NPEPPS: variants seen among roughly 807,000 people sequenced by gnomAD.
The protein encoded by NPEPPS is puromycin-sensitive aminopeptidase.
NPEPPS carries 14 observed loss-of-function variants against 115.5 expected under a neutral mutation model. That is an observed-to-expected ratio of 0.12 (90% CI 0.08 to 0.19). The LOEUF is 0.19. Among genes scored for constraint, NPEPPS ranks in the 10% least tolerant of loss-of-function variants. The probability of loss-of-function intolerance (pLI) is 1.00; values close to 1 mark genes in which losing one functional copy is unlikely to be tolerated. For synonymous variants in NPEPPS, 285 were observed against 390.6 expected (o/e 0.73, Z 3.19); for missense variants, 523 against 1,110.8 (o/e 0.47, Z 7.52).
At chr17:47,616,095 G>C (rs905302552) in intron 19 of NPEPPS, among the ~76,000 whole-genome samples, 3 of 152,186 alleles carry the variant, frequency 2.0e-5, no homozygotes, top group Non-Finnish European at 4.4e-5. Context: ...TATTGGAGCT[G>C]AAAAGGGCCT....
In NPEPPS at chr17:47,585,488, T is replaced by A. The variant is rs558665644; in HGVS notation, c.649-12T>A. On this transcript the variant is annotated splice_polypyrimidine_tract_variant and intron_variant, in intron 5 of 22. Transcript: ENST00000322157. ...AACCTATTTAAATTTTTCTTTTTTT[T>A]ATTTCTTAAAGAATGTAATTGACCG... The A allele has an allele frequency of 1.7e-5, 27 of 1,603,230 alleles. No individual in the cohort carries two copies. In the African/African-American group the frequency reaches 3.1e-4, roughly 18 times the overall value.
intron 22 of NPEPPS, 46 bp from the exon 23 acceptor site, chr17:47,621,722 T>A: frequency 6.5e-7 from 1 of 1,549,572 alleles, no homozygotes; most frequent in Admixed American, 1.8e-5. Context: ...AATATTAACT[T>A]CTTATTGCTA....
Position 47,608,446 on chromosome 17 carries a change from T to C in NPEPPS, c.2095+2894T>C, listed in dbSNP as rs1169589246. Among the ~76,000 whole-genome samples, 35 of 110,574 alleles carry C rather than the reference T, an allele frequency of 3.2e-4. No homozygotes were observed. In the Admixed American group the frequency reaches 4.2e-3, roughly 13 times the overall value. 72.5% of individuals were successfully genotyped at this position (110,574 alleles called of 152,430 possible). ...TCCAGCCTGGGCAACAGAGCGGGAC[T>C]CCGTCTCAAAAAAAAAAAAAAAAAA... On this transcript the variant is annotated intron_variant, in intron 17 of 22. Coordinates refer to ENST00000322157, the MANE Select transcript of NPEPPS (RefSeq NM_006310.4).
At chr17:47,571,313 CCTA>C (rs1911176923) in intron 3 of NPEPPS, among the ~76,000 whole-genome samples, 2 of 151,882 alleles carry the variant, frequency 1.3e-5, no homozygotes, top group South Asian at 4.2e-4. Flanking sequence ...TCACAATTTT[CCTA>C]CTGAGAATCT....
Position 47,548,663 on chromosome 17 carries a change from G to A in NPEPPS, c.340+2670G>A, listed in dbSNP as rs1197480927. Among the ~76,000 whole-genome samples the A allele has an allele frequency of 4.4e-5, 6 of 136,204 alleles. 1 individual carries two copies. Among genetic ancestry groups the A allele is most frequent in the East Asian group, 2.3e-4 (1 of 4,364 alleles). 89.4% of individuals were successfully genotyped at this position (136,204 alleles called of 152,430 possible). A position where few individuals can be genotyped will look rare whatever the true frequency, so the allele number is the denominator to read the frequency against. On this transcript the variant is annotated intron_variant, in intron 2 of 22. Transcript: ENST00000322157. ...ACGATCTCGGCTTGCTGCAACCTCC[G>A]CCTCTGGGGTTCAAGCAATTCTTCT...
intron 1 of NPEPPS, among the ~76,000 whole-genome samples, chr17:47,533,796 AAAAT>A (rs994713795): frequency 1.1e-4 from 17 of 152,156 alleles, no homozygotes; most frequent in Non-Finnish European, 2.2e-4. Context: ...AAATAAATAA[AAAAT>A]AAATAAATTT....
rs1475892642 is a variant in NPEPPS at position 47,546,117 on chromosome 17, G to A, written c.340+124G>A. 4.1e-6 allele frequency: 6 copies of A among 1,470,850 alleles called. No individual in the cohort carries two copies. In the African/African-American group the frequency reaches 4.3e-5, roughly 10 times the overall value. 91.1% of individuals were successfully genotyped at this position (1,470,850 alleles called of 1,614,324 possible). ...GACATTTTCAGGTTAAGACTTCAATGTTTGTTACTTTAGAAATGGGTAAAT... is the reference window on the plus strand; with the variant it reads ...GACATTTTCAGGTTAAGACTTCAATATTTGTTACTTTAGAAATGGGTAAAT... On this transcript the variant is annotated intron_variant, in intron 2 of 22. Transcript: ENST00000322157.
chr17:47,598,071 T>A (rs1912983246), intron 13 of NPEPPS, among the ~76,000 whole-genome samples: 2 of 152,244 alleles, frequency 1.3e-5, no homozygotes, highest in Admixed American at 1.3e-4. Flanking sequence ...AGGAGATGAC[T>A]AATTGAATTT....
intron 2 of NPEPPS, among the ~76,000 whole-genome samples, chr17:47,556,289 C>T (rs975346662): frequency 2.6e-5 from 4 of 150,964 alleles, no homozygotes; most frequent in Admixed American, 1.3e-4. Context: ...TGACTCTTAA[C>T]GAGCATGCTA....
intron 12 of NPEPPS, 32 bp from the exon 13 acceptor site, chr17:47,596,321 A>C: frequency 1.5e-6 from 2 of 1,311,494 alleles, no homozygotes; most frequent in Non-Finnish European, 2.1e-6. Context: ...TAAAAATATA[A>C]ACATTTTAGA....
At chr17:47,584,294 CA>C (rs2143848543) in intron 5 of NPEPPS, among the ~76,000 whole-genome samples, 1 of 151,280 alleles carries the variant, frequency 6.6e-6, no homozygotes, top group African/African-American at 2.4e-5. Flanking sequence ...TAAAAAAATT[CA>C]AAAGATGTAG....
intron 12 of NPEPPS, among the ~76,000 whole-genome samples, chr17:47,593,625 A>G (rs1323996334): frequency 1.3e-5 from 2 of 152,224 alleles, no homozygotes; most frequent in Non-Finnish European, 2.9e-5. Flanking sequence ...GTTCTGAGAA[A>G]TATGTTGTCA....
chr17:47,523,429 T>G (rs1384718458), intron 1 of NPEPPS, among the ~76,000 whole-genome samples: 2 of 147,494 alleles, frequency 1.4e-5, no homozygotes, highest in Admixed American at 6.8e-5. Context: ...TTTTTTTTTG[T>G]TTTTTTTTTG....
intron 2 of NPEPPS, among the ~76,000 whole-genome samples, chr17:47,553,855 A>C (rs1271820857): frequency 6.6e-6 from 1 of 150,880 alleles, no homozygotes; most frequent in Admixed American, 6.6e-5. Context: ...GGTTCAAGCG[A>C]TTCTCCTGCC....
In NPEPPS at chr17:47,623,218, G is replaced by T; in HGVS notation, c.*1298G>T. 5.9e-6 allele frequency: 1 copy of T among 169,214 alleles called. No individual in the cohort carries two copies. The highest frequency in any genetic ancestry group is 6.4e-5 in the Admixed American group (1 of 15,730). The allele number at this position is 169,214 out of a possible 1,614,324, so 10.5% of individuals were successfully genotyped here. A position where few individuals can be genotyped will look rare whatever the true frequency, so the allele number is the denominator to read the frequency against. On this transcript the variant is annotated 3_prime_UTR_variant, in exon 23 of 23. Coordinates refer to ENST00000322157, the MANE Select transcript of NPEPPS (RefSeq NM_006310.4). The stretch of plus-strand genomic sequence containing the variant: ...TTCCTTGAAACATTTTTGTGCTATT[G>T]TTTTAAAAAAATAATTAAAAAACAG...
intron 5 of NPEPPS, among the ~76,000 whole-genome samples, chr17:47,583,154 TC>T (rs1193021062): frequency 6.6e-6 from 1 of 151,608 alleles, no homozygotes; most frequent in Admixed American, 6.6e-5. Flanking sequence ...AGCCAAGACC[TC>T]TTTTTCTTGA....
chr17:47,534,652 G>A (rs200465069), intron 1 of NPEPPS, among the ~76,000 whole-genome samples: 7 of 151,938 alleles, frequency 4.6e-5, no homozygotes, highest in African/African-American at 1.7e-4. Flanking sequence ...TCCACCCTGT[G>A]CCCCTGCCGG....
chr17:47,610,005 T>G (rs575324145), intron 17 of NPEPPS, among the ~76,000 whole-genome samples: 5 of 152,314 alleles, frequency 3.3e-5, no homozygotes, highest in African/African-American at 1.2e-4. Flanking sequence ...AATCAATCAT[T>G]TATTTCCTGG....
chr17:47,582,574 T>C (rs2143842642), intron 4 of NPEPPS, 168 bp from the exon 5 acceptor site: 1 of 669,960 alleles, frequency 1.5e-6, no homozygotes, highest in East Asian at 2.9e-5. Context: ...TGGTAGCAAG[T>C]GTTGTCTTTT....
Sources: gnomAD v4.1 joint callset for allele counts (sites outside exome capture counted in the v4.1 genomes callset) on GRCh38, gnomAD v4.1.1 for gene constraint, MANE v1.5 for transcripts, NCBI Gene and HGNC (gene_info 2026-07-23, HGNC 2026-07-21) for gene names.